The following GPR158 variants were observed in gnomAD, a reference collection of about 807,000 sequenced individuals.
GPR158 encodes the protein G protein-coupled receptor 158.
In GPR158, 30 loss-of-function variants were observed where a neutral mutation model predicts 78.2. The observed-to-expected ratio is 0.38, with a 90% confidence interval of 0.29 to 0.52. The LOEUF (loss-of-function observed/expected upper bound fraction) is 0.52, where lower values mean the gene tolerates loss of function less well. GPR158 is among the 20% of genes least tolerant of loss of function. The pLI is 0.83. For synonymous variants in GPR158, 581 were observed against 591.1 expected, an observed-to-expected ratio of 0.98 and a Z score of 0.25; for missense variants, 1,463 against 1,523.5, an observed-to-expected ratio of 0.96 and a Z score of 0.66.
intron 2 of GPR158, among the ~76,000 whole-genome samples, chr10:25,237,687 T>G (rs1449870393): frequency 6.6e-6 from 1 of 152,228 alleles, no homozygotes; most frequent in Non-Finnish European, 1.5e-5. Context: ...AGGCACATGA[T>G]ACCTTTTAAA....
At chr10:25,198,045 A>G (rs1308951316) in intron 1 of GPR158, among the ~76,000 whole-genome samples, 3 of 152,194 alleles carry the variant, frequency 2.0e-5, no homozygotes, top group African/African-American at 7.2e-5. Flanking sequence ...CAGACTCAAG[A>G]TATATTTTTC....
At chr10:25,423,514 C>T (rs957609145) in intron 4 of GPR158, among the ~76,000 whole-genome samples, 2 of 151,816 alleles carry the variant, frequency 1.3e-5, no homozygotes, top group African/African-American at 2.4e-5. Flanking sequence ...TTAGGTATTT[C>T]TCTTAATGCT....
intron 3 of GPR158, 92 bp from the exon 4 acceptor site, chr10:25,412,158 A>G: frequency 4.8e-6 from 4 of 836,858 alleles, no homozygotes; most frequent in South Asian, 4.4e-5. Flanking sequence ...TGAGAAAAGG[A>G]ATGAGGAGTC....
At chr10:25,510,790 A>G (rs1321763605) in intron 5 of GPR158, among the ~76,000 whole-genome samples, 1 of 152,192 alleles carries the variant, frequency 6.6e-6, no homozygotes, top group African/African-American at 2.4e-5. Context: ...GTGTAAGAAC[A>G]TACAATGGTT....
intron 2 of GPR158, among the ~76,000 whole-genome samples, chr10:25,349,075 A>G (rs919992271): frequency 6.6e-5 from 10 of 152,178 alleles, no homozygotes; most frequent in African/African-American, 2.4e-4. Context: ...TCTGGAGGCC[A>G]GAATTCTGAA....
intron 4 of GPR158, among the ~76,000 whole-genome samples, chr10:25,414,934 T>C (rs1317585499): frequency 6.6e-6 from 1 of 152,180 alleles, no homozygotes; most frequent in African/African-American, 2.4e-5. Context: ...GCTCCTTGCA[T>C]ACTGTGAGAC....
chr10:25,501,168 C>T (rs1164191050), intron 5 of GPR158, among the ~76,000 whole-genome samples: 4 of 152,098 alleles, frequency 2.6e-5, no homozygotes, highest in Non-Finnish European at 5.9e-5. Flanking sequence ...TAGAAAAAGT[C>T]AAAGGCGGCT....
chr10:25,556,589 C>A (rs1020417647), intron 6 of GPR158, among the ~76,000 whole-genome samples: 3 of 152,258 alleles, frequency 2.0e-5, no homozygotes, highest in Middle Eastern at 3.4e-3. Flanking sequence ...AGCGACATTT[C>A]TTAAGAACCA....
chr10:25,329,825 T>C (rs1855093281), intron 2 of GPR158, among the ~76,000 whole-genome samples: 1 of 152,094 alleles, frequency 6.6e-6, no homozygotes, highest in African/African-American at 2.4e-5. Flanking sequence ...TCATCAAATA[T>C]TTTTATCGTA....
At chr10:25,563,953 T>C (rs1001980598) in intron 6 of GPR158, among the ~76,000 whole-genome samples, 6 of 152,034 alleles carry the variant, frequency 3.9e-5, no homozygotes, top group Non-Finnish European at 7.4e-5. Context: ...TTTGCGTGCC[T>C]CATTTTTTTT....
intron 2 of GPR158, among the ~76,000 whole-genome samples, chr10:25,343,641 T>A (rs1026960939): frequency 6.6e-6 from 1 of 152,030 alleles, no homozygotes; most frequent in Non-Finnish European, 1.5e-5. Context: ...TGAAAACTGT[T>A]CTTGGACTTA....
In GPR158 at chr10:25,412,450, G is replaced by A. The variant is rs1278593387; in HGVS notation, c.1312G>A (p.Val438Ile). ...MLLDFVSMLVVYHFRKAKSIR... is the reference protein window; with the variant it reads ...MLLDFVSMLVIYHFRKAKSIR... ...GCTCGACTTCGTTAGCATGCTGGTG[G>A]TCTACCACTTTCGCAAAGCAAAGGT... Residue 438 changes from valine to isoleucine, a missense_variant, in exon 4 of 11, where the codon GTC becomes ATC. By Grantham distance (29) the Val-to-Ile change is conservative. Transcript: ENST00000376351. 2 of 1,613,680 alleles carry A rather than the reference G, an allele frequency of 1.2e-6. No individual in the cohort carries two copies. Among genetic ancestry groups the A allele is most frequent in the African/African-American group, 2.7e-5 (2 of 74,916 alleles).
At chr10:25,224,406 T>G (rs1203157865) in intron 2 of GPR158, among the ~76,000 whole-genome samples, 1 of 151,600 alleles carries the variant, frequency 6.6e-6, no homozygotes, top group Non-Finnish European at 1.5e-5. Flanking sequence ...ATATACATCT[T>G]TTGTTATATT....
intron 2 of GPR158, among the ~76,000 whole-genome samples, chr10:25,314,341 T>A (rs1854814347): frequency 6.6e-6 from 1 of 152,098 alleles, no homozygotes; most frequent in Non-Finnish European, 1.5e-5. Flanking sequence ...CCTCATGATC[T>A]GCCCACCTCG....
At chr10:25,354,248 A>C (rs940229777) in intron 2 of GPR158, among the ~76,000 whole-genome samples, 3 of 151,586 alleles carry the variant, frequency 2.0e-5, no homozygotes, top group Non-Finnish European at 3.0e-5. Context: ...CCAGCCTCCT[A>C]GGAGGCTGAG....
chr10:25,302,301 G>A (rs892997913), intron 2 of GPR158, among the ~76,000 whole-genome samples: 1 of 150,934 alleles, frequency 6.6e-6, no homozygotes, highest in African/African-American at 2.4e-5. Context: ...AGCCAGGATG[G>A]TCTCGATCTC....
intron 7 of GPR158, among the ~76,000 whole-genome samples, chr10:25,580,981 G>A (rs1290035668): frequency 2.1e-5 from 3 of 144,214 alleles, no homozygotes; most frequent in Non-Finnish European, 4.6e-5. Context: ...GCGGACTGCA[G>A]TGGCGCAATC....
At chr10:25,486,583 G>A (rs912637695) in intron 5 of GPR158, among the ~76,000 whole-genome samples, 2 of 152,094 alleles carry the variant, frequency 1.3e-5, no homozygotes, top group African/African-American at 4.8e-5. Flanking sequence ...ACCCAGGATT[G>A]CTAAAACGTG....
chr10:25,441,335 A>G (rs147333771), intron 4 of GPR158, among the ~76,000 whole-genome samples: 22 of 152,306 alleles, frequency 1.4e-4, no homozygotes, highest in African/African-American at 5.3e-4. Context: ...TGCCAAGATA[A>G]CCAGTTTTCC....
Sources: allele counts gnomAD v4.1 joint callset (sites outside exome capture counted in the v4.1 genomes callset), GRCh38; gene constraint gnomAD v4.1.1; transcripts MANE v1.5; gene names NCBI Gene and HGNC (gene_info 2026-07-23, HGNC 2026-07-21).